Variants in TRIOBP observed in about 807,000 individuals in gnomAD.
TRIOBP encodes the protein TRIO and F-actin binding protein, also known as TRIO and F-actin-binding protein.
TRIOBP carries 169 observed loss-of-function variants against 238.8 expected under a neutral mutation model. The ratio of observed to expected loss-of-function variants is 0.71; its 90% CI spans 0.62 to 0.80. The LOEUF is 0.80. Ranked by LOEUF, TRIOBP falls within the 30% of genes least tolerant of loss-of-function variation. TRIOBP has a pLI of 0.00. For synonymous variants in TRIOBP, 1,150 were observed against 1,274.4 expected, an observed-to-expected ratio of 0.90 and a Z score of 2.08; for missense variants, 2,838 against 3,122.6, an observed-to-expected ratio of 0.91 and a Z score of 2.17.
intron 11 of TRIOBP, among the ~76,000 whole-genome samples, chr22:37,745,960 C>T (rs1350719820): frequency 1.3e-5 from 2 of 151,754 alleles, no homozygotes; most frequent in Non-Finnish European, 2.9e-5. Context: ...CTGGGCCCTT[C>T]CTTCCTCCCA....
At chr22:37,750,416 C>T (rs541168079) in intron 11 of TRIOBP, among the ~76,000 whole-genome samples, 2 of 152,334 alleles carry the variant, frequency 1.3e-5, no homozygotes, top group South Asian at 4.1e-4. Context: ...TTTCCTGAGC[C>T]TTGCTGTGGT....
intron 3 of TRIOBP, among the ~76,000 whole-genome samples, chr22:37,708,641 GAGGT>G (rs1198234619): frequency 3.9e-5 from 6 of 152,378 alleles, no homozygotes; most frequent in Admixed American, 3.9e-4. Context: ...TTTTGTAGAT[GAGGT>G]AACTGAGGCA....
chr22:37,759,174 G>C lies in TRIOBP; in HGVS notation c.6234G>C (p.Gln2078His). Residue 2078 changes from glutamine (Q) to histidine (H), a missense_variant, in exon 17 of 24, where the codon CAG becomes CAC. Coordinates refer to ENST00000644935, the MANE Select transcript of TRIOBP (RefSeq NM_001039141.3). Reference protein sequence around the residue: ...LEKEVQALRAQLEAWRLQGEA... With the variant: ...LEKEVQALRAHLEAWRLQGEA... ...CGTAGGTTCAGGCTCTTCGGGCCCA[G>C]CTGGAGGCGTGGCGTCTCCAAGGGG... is the stretch of plus-strand genomic sequence containing the variant. 1 of 1,612,770 alleles carries C rather than the reference G, an allele frequency of 6.2e-7. No individual in the cohort carries two copies. The highest frequency in any genetic ancestry group is 8.5e-7 in the Non-Finnish European group (1 of 1,179,882).
rs768822248 is a variant in TRIOBP, at chr22:37,715,817, G to T, written c.511G>T (p.Ala171Ser). The stretch of plus-strand genomic sequence containing the variant: ...GGAGGCCCCCAGCTGGGACGAGCTC[G>T]CAGTGATGATCCCGAGGAGGCCTCG... ...EEEAPSWDEL[A>S]VMIPRRPREG... Residue 171 changes from alanine (A) to serine (S), a missense_variant, in exon 6 of 24, where the codon GCA (alanine) becomes TCA (serine). This residue lies in a region of TRIOBP where 535 missense variants were observed against 537.3 expected (regional missense o/e 1.00). Coordinates refer to ENST00000644935, the MANE Select transcript of TRIOBP (RefSeq NM_001039141.3). 2 of 1,614,068 alleles carry T rather than the reference G, an allele frequency of 1.2e-6. No homozygotes were observed. The highest frequency in any genetic ancestry group is 1.3e-5 in the African/African-American group (1 of 75,046).
rs780041102 is a variant in TRIOBP, at chr22:37,735,076, G to C, written c.4740G>C (p.Leu1580=). Reference sequence around the variant, plus strand: ...GGGTCTGGGCCCGTGTCCCCAGCCTGGACTGGGAGGGCCTCTTGGAGCTCC... The same window carrying C: ...GGGTCTGGGCCCGTGTCCCCAGCCTCGACTGGGAGGGCCTCTTGGAGCTCC... ...GEGVWARVPS[L]DWEGLLELLQ... Residue 1580 remains leucine, a synonymous_variant, in exon 9 of 24, where the codon CTG becomes CTC. Coordinates refer to ENST00000644935, the MANE Select transcript of TRIOBP (RefSeq NM_001039141.3). 1 of 1,606,708 alleles carries C rather than the reference G, an allele frequency of 6.2e-7. No homozygotes were observed. The highest frequency in any genetic ancestry group is 8.5e-7 in the Non-Finnish European group (1 of 1,174,968).
intron 18 of TRIOBP, among the ~76,000 whole-genome samples, chr22:37,767,089 A>G (rs1926536028): frequency 6.6e-6 from 1 of 152,102 alleles, no homozygotes; most frequent in South Asian, 2.1e-4. Flanking sequence ...TGTCTCTACT[A>G]TGAATACAAA....
chr22:37,770,549 G>C (rs1190612914), intron 21 of TRIOBP, among the ~76,000 whole-genome samples: 1 of 150,480 alleles, frequency 6.6e-6, no homozygotes, highest in Non-Finnish European at 1.5e-5. Context: ...GGATAATTTT[G>C]TATTTTTAGT....
rs775682803 is a variant in TRIOBP at position 37,738,676 on chromosome 22, G to A, written c.5141G>A (p.Ser1714Asn). The A allele has an allele frequency of 1.2e-6, 2 of 1,613,948 alleles. No homozygotes were observed. Among genetic ancestry groups the A allele is most frequent in the Admixed American group, 1.7e-5 (1 of 59,998 alleles). The part of the protein sequence containing the change: ...QPEEPEESEP[S>N]RGQDPLTDQK... ...GAGGAGCCTGAGGAGTCAGAACCAA[G>A]CAGAGGCCAAGACCCCCTGACTGAC... is the stretch of plus-strand genomic sequence containing the variant. The change falls in exon 10 of 24, where the codon AGC becomes AAC. Residue 1714 changes from serine (S) to asparagine (N), a missense_variant. Around this residue, in one of 5 missense-constraint regions of TRIOBP, gnomAD observed 2,096 missense variants for 2,137.4 expected, o/e 0.98. Transcript: ENST00000644935.
At position 37,758,203 on chromosome 22, in the gene TRIOBP, A is replaced by G; in HGVS notation, c.6213+65A>G. ...CAGCGCCCCTCCAGTCCCTGCATTC[A>G]TGCCCTGGCATTTGTCTTGCACTCC... On this transcript the variant is annotated intron_variant, in intron 16 of 23. Coordinates refer to ENST00000644935, the MANE Select transcript of TRIOBP (RefSeq NM_001039141.3). The G allele has an allele frequency of 2.5e-6, 4 of 1,586,164 alleles. No individual in the cohort carries two copies. In the South Asian group the frequency reaches 3.4e-5, roughly 13 times the overall value.
chr22:37,717,195 C>T lies in TRIOBP; in HGVS notation c.628+1261C>T, dbSNP rs118059496. ...TACGGCTCTTAAGGAGACGCGTCCG[C>T]AGTTGTTCTTTCCTCCCTGTGGGTT... On this transcript the variant is annotated intron_variant, in intron 6 of 23. Transcript: ENST00000644935. Among the ~76,000 whole-genome samples, 498 of 152,262 alleles carry T rather than the reference C, an allele frequency of 3.3e-3. 5 individuals carry two copies. Among genetic ancestry groups the T allele is most frequent in the Middle Eastern group, 0.02 (6 of 294 alleles).
chr22:37,737,358 A>C (rs746021228), intron 9 of TRIOBP, among the ~76,000 whole-genome samples: 5 of 152,034 alleles, frequency 3.3e-5, no homozygotes, highest in Admixed American at 1.3e-4. Flanking sequence ...GCTCCTCTCT[A>C]TGAAAATCCT....
chr22:37,730,806 G>A (rs144142968), intron 7 of TRIOBP, among the ~76,000 whole-genome samples: 105 of 152,122 alleles, frequency 6.9e-4, no homozygotes, highest in African/African-American at 2.5e-3. Context: ...AATTAGCTGG[G>A]CATGGTGGTG....
At chr22:37,766,288 T>G (rs529051224) in intron 18 of TRIOBP, among the ~76,000 whole-genome samples, 26 of 152,328 alleles carry the variant, frequency 1.7e-4, no homozygotes, top group African/African-American at 5.8e-4. Flanking sequence ...GGAGCACCCT[T>G]CATCCTGGAC....
chr22:37,705,206 C>T (rs781365817), intron 3 of TRIOBP, among the ~76,000 whole-genome samples: 1 of 152,070 alleles, frequency 6.6e-6, no homozygotes, highest in East Asian at 1.9e-4. Flanking sequence ...GAAACCCCAT[C>T]TCTATTAAAA....
Position 37,719,319 on chromosome 22 carries a change from TAC to T in TRIOBP, c.628+3389_628+3390del, listed in dbSNP as rs373852104. Among the ~76,000 whole-genome samples, 167 of 152,150 alleles carry T rather than the reference TAC, an allele frequency of 1.1e-3. No individual in the cohort carries two copies. In the South Asian group the frequency reaches 0.034, roughly 31 times the overall value. On this transcript the variant is annotated intron_variant, in intron 6 of 23. Coordinates refer to ENST00000644935, the MANE Select transcript of TRIOBP (RefSeq NM_001039141.3). ...CTTGATGGTACTTTGGACAGGAGGA[TAC>T]ACAGTCACAGCTCCTGGCCTGGGTG...
chr22:37,765,674 C>T lies in TRIOBP; in HGVS notation c.6329C>T (p.Ala2110Val), dbSNP rs1926453050. 2.6e-6 allele frequency: 4 copies of T among 1,550,172 alleles called. No homozygotes were observed. The highest frequency in any genetic ancestry group is 3.5e-6 in the Non-Finnish European group (4 of 1,147,238). ...ACCCTGGCGTCCGGCCCACAGGAGG[C>T]ATGTGAGCGCAGCCTGGCAGAGATG... The part of the protein sequence containing the change: ...HIPPGYISQE[A>V]CERSLAEMES... The change falls in exon 18 of 24, where the codon GCA becomes GTA. Residue 2110 changes from alanine (A) to valine (V), a missense_variant. Physicochemically the swap from Ala to Val is moderately conservative, Grantham distance 64. Around this residue, in one of 5 missense-constraint regions of TRIOBP, gnomAD observed 2,096 missense variants for 2,137.4 expected, o/e 0.98. Coordinates refer to ENST00000644935, the MANE Select transcript of TRIOBP (RefSeq NM_001039141.3).
At chr22:37,714,610 C>T (rs192047982) in intron 5 of TRIOBP, among the ~76,000 whole-genome samples, 78 of 152,056 alleles carry the variant, frequency 5.1e-4, no homozygotes, top group Non-Finnish European at 1.0e-3. Flanking sequence ...TTGCAGTGAG[C>T]TTAGATTGCA....
intron 11 of TRIOBP, among the ~76,000 whole-genome samples, chr22:37,745,743 G>A (rs900624588): frequency 2.0e-5 from 3 of 152,306 alleles, no homozygotes; most frequent in Admixed American, 1.3e-4. Context: ...AGTCTGTGGT[G>A]AGGACGAAAA....
At chr22:37,716,781 C>T (rs1923543553) in intron 6 of TRIOBP, among the ~76,000 whole-genome samples, 1 of 152,194 alleles carries the variant, frequency 6.6e-6, no homozygotes, top group South Asian at 2.1e-4. Context: ...ACCTGTGCCT[C>T]AGGAAGTTCC....
Sources: gnomAD v4.1 joint callset for allele counts (sites outside exome capture counted in the v4.1 genomes callset) on GRCh38, gnomAD v4.1.1 for gene constraint, gnomAD v4.1.1 regional missense constraint, MANE v1.5 for transcripts, NCBI Gene and HGNC (gene_info 2026-07-23, HGNC 2026-07-21) for gene names.